Variants in GULP1 observed in about 807,000 individuals in gnomAD.
The protein encoded by GULP1 is GULP PTB domain containing engulfment adaptor 1, also known as PTB domain-containing engulfment adapter protein 1.
In GULP1, 19 loss-of-function variants were observed where a neutral mutation model predicts 40.9. The ratio of observed to expected loss-of-function variants is 0.46; its 90% confidence interval spans 0.32 to 0.68. The LOEUF (loss-of-function observed/expected upper bound fraction) is 0.68, where lower values mean the gene tolerates loss of function less well. Ranked by LOEUF, GULP1 falls within the 30% of genes least tolerant of loss-of-function variation. The probability of loss-of-function intolerance (pLI) is 0.03; values close to 1 mark genes in which losing one functional copy is unlikely to be tolerated. For synonymous variants in GULP1, 119 were observed against 117.6 expected (o/e 1.01, Z -0.08); for missense variants, 312 against 362.2 (o/e 0.86, Z 1.12).
chr2:188,312,029 A>G (rs926749287), intron 1 of GULP1, among the ~76,000 whole-genome samples: 1 of 151,890 alleles, frequency 6.6e-6, no homozygotes, highest in East Asian at 1.9e-4. Flanking sequence ...TAGACTTCTA[A>G]CTACACTTGT....
intron 2 of GULP1, among the ~76,000 whole-genome samples, chr2:188,441,875 A>G (rs984999245): frequency 6.6e-6 from 1 of 152,176 alleles, no homozygotes. Context: ...AAATAATGCA[A>G]CAGATCTAAA....
chr2:188,405,978 A>C (rs757324807), intron 2 of GULP1, among the ~76,000 whole-genome samples: 1 of 152,236 alleles, frequency 6.6e-6, no homozygotes, highest in East Asian at 1.9e-4. Context: ...TGTATGAACC[A>C]ACTGAAAGAG....
At chr2:188,522,207 A>G (rs1282746123) in intron 4 of GULP1, among the ~76,000 whole-genome samples, 14 of 152,116 alleles carry the variant, frequency 9.2e-5, no homozygotes, top group Admixed American at 6.5e-5. Context: ...TTTAAATTCT[A>G]CATGTTAGAT....
intron 2 of GULP1, among the ~76,000 whole-genome samples, chr2:188,444,035 A>G (rs2058174941): frequency 6.6e-6 from 1 of 152,026 alleles, no homozygotes; most frequent in African/African-American, 2.4e-5. Context: ...CCTAGTACTC[A>G]TGGCCAGTTC....
chr2:188,360,072 A>T (rs567354657), intron 1 of GULP1, among the ~76,000 whole-genome samples: 1 of 152,014 alleles, frequency 6.6e-6, no homozygotes, highest in Admixed American at 6.6e-5. Flanking sequence ...TTGTTTTCCC[A>T]TTGGCAAGAT....
At chr2:188,539,881 A>G (rs1689993543) in intron 6 of GULP1, among the ~76,000 whole-genome samples, 1 of 152,158 alleles carries the variant, frequency 6.6e-6, no homozygotes, top group African/African-American at 2.4e-5. Flanking sequence ...AATGATTCTT[A>G]TCTTGAACAA....
chr2:188,364,687 C>A (rs1033075825), intron 1 of GULP1, among the ~76,000 whole-genome samples: 1 of 149,138 alleles, frequency 6.7e-6, no homozygotes, highest in African/African-American at 2.5e-5. Flanking sequence ...CAGTGTAGAT[C>A]ATGGGATATG....
intron 4 of GULP1, among the ~76,000 whole-genome samples, chr2:188,506,551 T>C (rs778265341): frequency 2.0e-5 from 3 of 152,024 alleles, no homozygotes; most frequent in Non-Finnish European, 4.4e-5. Flanking sequence ...CTAAACTCCA[T>C]TGTCTCATTA....
intron 2 of GULP1, among the ~76,000 whole-genome samples, chr2:188,414,653 A>G (rs1286564322): frequency 1.3e-5 from 2 of 152,160 alleles, no homozygotes; most frequent in African/African-American, 2.4e-5. Flanking sequence ...AGAACTCCAT[A>G]CTATTAATCA....
chr2:188,570,215 T>G, intron 9 of GULP1, 95 bp downstream of exon 9: 1 of 632,378 alleles, frequency 1.6e-6, no homozygotes, highest in Non-Finnish European at 2.8e-6. Context: ...TACTTGGGGA[T>G]CAGTAATTTC....
chr2:188,314,230 A>G (rs1207978824), intron 1 of GULP1, among the ~76,000 whole-genome samples: 2 of 152,114 alleles, frequency 1.3e-5, no homozygotes, highest in Non-Finnish European at 2.9e-5. Flanking sequence ...TGGTGAGAAA[A>G]ATCTCTTCAC....
intron 7 of GULP1, among the ~76,000 whole-genome samples, chr2:188,545,111 G>A (rs1047243268): frequency 3.3e-5 from 5 of 151,904 alleles, no homozygotes; most frequent in African/African-American, 1.2e-4. Flanking sequence ...ACAAAAGCCT[G>A]TCAAATGATC....
At chr2:188,457,561 C>T (rs78073417) in intron 2 of GULP1, among the ~76,000 whole-genome samples, 58 of 152,242 alleles carry the variant, frequency 3.8e-4, no homozygotes, top group African/African-American at 1.4e-3. Flanking sequence ...TTGTAAATTG[C>T]CCAGTCTTGG....
chr2:188,325,672 A>G (rs1386805117), intron 1 of GULP1, among the ~76,000 whole-genome samples: 2 of 152,044 alleles, frequency 1.3e-5, no homozygotes, highest in Non-Finnish European at 2.9e-5. Context: ...TTTTTATCCT[A>G]TCTCCCTTTG....
chr2:188,427,540 C>T (rs2056359766), intron 2 of GULP1, among the ~76,000 whole-genome samples: 1 of 152,226 alleles, frequency 6.6e-6, no homozygotes, highest in South Asian at 2.1e-4. Context: ...ATCTCAGCTG[C>T]TTCAGCTCTA....
At chr2:188,317,319 G>A (rs1436625297) in intron 1 of GULP1, among the ~76,000 whole-genome samples, 1 of 152,036 alleles carries the variant, frequency 6.6e-6, no homozygotes, top group African/African-American at 2.4e-5. Flanking sequence ...ATTTTCTCCT[G>A]AATGAAATAG....
At chr2:188,413,506 A>G (rs747989164) in intron 2 of GULP1, among the ~76,000 whole-genome samples, 5 of 152,106 alleles carry the variant, frequency 3.3e-5, no homozygotes, top group East Asian at 1.9e-4. Context: ...GTGTCTGTTC[A>G]TATCCTTTGC....
intron 4 of GULP1, among the ~76,000 whole-genome samples, chr2:188,504,119 A>G (rs1198131520): frequency 1.3e-5 from 2 of 151,944 alleles, no homozygotes; most frequent in Admixed American, 1.3e-4. Context: ...AGGAGCAGAA[A>G]TAATTCAGCT....
intron 2 of GULP1, among the ~76,000 whole-genome samples, chr2:188,459,370 T>A (rs2059525020): frequency 6.6e-6 from 1 of 152,180 alleles, no homozygotes; most frequent in Admixed American, 6.5e-5. Context: ...ATTGCCTGTC[T>A]TTTGGATATA....
Sources: gnomAD v4.1 joint callset for allele counts (sites outside exome capture counted in the v4.1 genomes callset) on GRCh38, gnomAD v4.1.1 for gene constraint, MANE v1.5 for transcripts, NCBI Gene and HGNC (gene_info 2026-07-23, HGNC 2026-07-21) for gene names.